Variants in SVOP observed in about 807,000 individuals in gnomAD.
The protein encoded by SVOP is SV2 related protein.
Under a neutral mutation model 69.1 loss-of-function variants are expected in SVOP, and 17 were observed. The ratio of observed to expected loss-of-function variants is 0.25; its 90% CI spans 0.17 to 0.37. The LOEUF (loss-of-function observed/expected upper bound fraction) is 0.37. SVOP is among the 10% of genes least tolerant of loss of function. The pLI, the probability that SVOP is intolerant of heterozygous loss-of-function variation, is 1.00. For missense variants in SVOP, 435 were observed against 597.5 expected (o/e 0.73, Z 2.84); for synonymous variants, 238 against 238.6 (o/e 1.00, Z 0.02).
chr12:108,973,800 A>T (rs891827484), intron 4 of SVOP, among the ~76,000 whole-genome samples: 1 of 151,700 alleles, frequency 6.6e-6, no homozygotes, highest in African/African-American at 2.4e-5. Flanking sequence ...TTCCTGCCTG[A>T]CTCCCTCTTT....
At chr12:108,998,836 G>A (rs892654439) in intron 1 of SVOP, among the ~76,000 whole-genome samples, 18 of 151,442 alleles carry the variant, frequency 1.2e-4, no homozygotes, top group African/African-American at 2.7e-4. Flanking sequence ...AGGAACAACC[G>A]GTACCAGCCG....
chr12:108,940,857 A>G lies in SVOP; in HGVS notation c.695T>C (p.Met232Thr), dbSNP rs1326690844. 6.5e-7 allele frequency: 1 copy of G among 1,537,182 alleles called. No individual in the cohort carries two copies. The highest frequency in any genetic ancestry group is 8.7e-7 in the Non-Finnish European group (1 of 1,146,864). ...CAGCCAACGCCAGCCCAGGCTGGGC[A>G]TCACGAACACAGCCAGGACGACCTC... ...VFEVVLAVFV[M>T]PSLGWRWLLI... The change falls in exon 8 of 16, where the codon ATG (methionine) becomes ACG (threonine). Residue 232 changes from methionine (M) to threonine (T), a missense_variant. Met to Thr is a moderately conservative substitution (Grantham distance 81, BLOSUM62 -1). Coordinates refer to ENST00000610966, the MANE Select transcript of SVOP (RefSeq NM_018711.5).
In SVOP at chr12:108,912,406, C is replaced by T. The variant is rs2039689743; in HGVS notation, c.*129G>A. 14 of 1,524,744 alleles carry T rather than the reference C, an allele frequency of 9.2e-6. No homozygotes were observed. The highest frequency in any genetic ancestry group is 1.1e-5 in the Non-Finnish European group (13 of 1,139,492). 94.5% of individuals were successfully genotyped at this position (1,524,744 alleles called of 1,614,324 possible). A position where few individuals can be genotyped will look rare whatever the true frequency, so the allele number is the denominator to read the frequency against. On this transcript the variant is annotated 3_prime_UTR_variant, in exon 16 of 16. Coordinates refer to ENST00000610966, the MANE Select transcript of SVOP (RefSeq NM_018711.5). ...GAGCAAACTGAGTCAAGACACAAAA[C>T]CCTGTTGGTCCAGGTCATACTCTTG...
Position 108,912,588 on chromosome 12 carries a change from G to C in SVOP, c.1594C>G (p.Arg532Gly), listed in dbSNP as rs751699856. The change falls in exon 16 of 16, where the codon CGA becomes GGA. Residue 532 changes from arginine to glycine, a missense_variant. Coordinates refer to ENST00000610966, the MANE Select transcript of SVOP (RefSeq NM_018711.5). ...HREWGQEMVG[R>G]GMHGAGVTRS... The stretch of plus-strand genomic sequence containing the variant: ...GTAACACCTGCACCGTGCATTCCTC[G>C]GCCGACCATCTCCTGGCCCCACTCC... 7 of 1,613,780 alleles carry C rather than the reference G, an allele frequency of 4.3e-6. No homozygotes were observed. In the South Asian group the frequency reaches 7.7e-5, roughly 18 times the overall value.
At chr12:109,011,621 G>C (rs965631107) in intron 1 of SVOP, among the ~76,000 whole-genome samples, 1 of 152,174 alleles carries the variant, frequency 6.6e-6, no homozygotes, top group African/African-American at 2.4e-5. Flanking sequence ...GGCTCAAAGA[G>C]TTTACCTGGG....
chr12:108,994,418 C>A (rs999091943), intron 1 of SVOP, among the ~76,000 whole-genome samples: 3 of 152,010 alleles, frequency 2.0e-5, no homozygotes, highest in African/African-American at 7.3e-5. Flanking sequence ...CGCTTGAACC[C>A]GGGAGGCAGA....
Position 109,020,996 on chromosome 12 carries a change from T to G in SVOP, c.-128A>C. ...GCCGCTTCCTCCCTGGAGCAGCAGC[T>G]GTTCGGGGAGGGAGCCGCTGGGGAC... On this transcript the variant is annotated 5_prime_UTR_variant, in exon 1 of 16. Coordinates refer to ENST00000610966, the MANE Select transcript of SVOP (RefSeq NM_018711.5). 1 of 601,062 alleles carries G rather than the reference T, an allele frequency of 1.7e-6. No homozygotes were observed. The highest frequency in any genetic ancestry group is 3.0e-6 in the Non-Finnish European group (1 of 327,884). The allele number at this position is 601,062 out of a possible 1,614,324, so 37.2% of individuals were successfully genotyped here. A position where few individuals can be genotyped will look rare whatever the true frequency, so the allele number is the denominator to read the frequency against.
intron 6 of SVOP, among the ~76,000 whole-genome samples, chr12:108,948,846 T>C (rs1395195928): frequency 6.6e-6 from 1 of 152,220 alleles, no homozygotes; most frequent in African/African-American, 2.4e-5. Flanking sequence ...ATTATAGTGG[T>C]TGCTAAAGAT....
At chr12:108,920,859 A>G (rs980674377) in intron 12 of SVOP, among the ~76,000 whole-genome samples, 3 of 152,112 alleles carry the variant, frequency 2.0e-5, no homozygotes, top group African/African-American at 7.2e-5. Flanking sequence ...GGCCTCCCAA[A>G]GCACCAGGAT....
intron 1 of SVOP, among the ~76,000 whole-genome samples, chr12:109,007,279 C>G (rs956903426): frequency 6.6e-6 from 1 of 152,194 alleles, no homozygotes; most frequent in Non-Finnish European, 1.5e-5. Context: ...GCACTTGAAG[C>G]AGCAGAGACT....
At chr12:108,955,096 A>C (rs1036585451) in intron 6 of SVOP, among the ~76,000 whole-genome samples, 2 of 152,238 alleles carry the variant, frequency 1.3e-5, no homozygotes, top group African/African-American at 4.8e-5. Flanking sequence ...AGAAATAGAA[A>C]ATGTCACTTC....
At chr12:108,926,082 C>A (rs1414745644) in intron 11 of SVOP, among the ~76,000 whole-genome samples, 1 of 152,022 alleles carries the variant, frequency 6.6e-6, no homozygotes, top group Non-Finnish European at 1.5e-5. Flanking sequence ...CCAGGCCCAG[C>A]TAATTATTTT....
Position 109,000,024 on chromosome 12 carries a change from G to A in SVOP, c.36-16263C>T, listed in dbSNP as rs2040259052. Reference sequence around the variant, plus strand: ...CTTCAAAAAATTAATGAATCCAGGAGCTGGTTTTTTGAAAGGATCAACAAA... The same window carrying A: ...CTTCAAAAAATTAATGAATCCAGGAACTGGTTTTTTGAAAGGATCAACAAA... On this transcript the variant is annotated intron_variant, in intron 1 of 15. Coordinates refer to ENST00000610966, the MANE Select transcript of SVOP (RefSeq NM_018711.5). Among the ~76,000 whole-genome samples, 5 of 151,656 alleles carry A rather than the reference G, an allele frequency of 3.3e-5. No individual in the cohort carries two copies. In the South Asian group the frequency reaches 1.0e-3, roughly 32 times the overall value.
intron 1 of SVOP, among the ~76,000 whole-genome samples, chr12:109,009,651 G>A (rs2040330126): frequency 6.6e-6 from 1 of 152,176 alleles, no homozygotes; most frequent in Non-Finnish European, 1.5e-5. Context: ...CTAACCTCAA[G>A]TGATCCACCT....
At chr12:108,916,428 G>A (rs1199821056) in intron 14 of SVOP, among the ~76,000 whole-genome samples, 1 of 152,164 alleles carries the variant, frequency 6.6e-6, no homozygotes, top group East Asian at 1.9e-4. Flanking sequence ...AAGCCAGAGG[G>A]CTTCTCAGCC....
At chr12:108,941,723 G>A (rs1023514779) in intron 7 of SVOP, among the ~76,000 whole-genome samples, 2 of 151,580 alleles carry the variant, frequency 1.3e-5, no homozygotes, top group Non-Finnish European at 1.5e-5. Flanking sequence ...GTATAGTGGC[G>A]CAATCTTGGC....
chr12:108,920,806 A>G (rs1447900777), intron 12 of SVOP, among the ~76,000 whole-genome samples: 1 of 152,054 alleles, frequency 6.6e-6, no homozygotes, highest in Non-Finnish European at 1.5e-5. Flanking sequence ...TCATTTGGCC[A>G]GGCTGCTCTC....
At chr12:108,954,150 T>C (rs1217051608) in intron 6 of SVOP, among the ~76,000 whole-genome samples, 1 of 141,654 alleles carries the variant, frequency 7.1e-6, no homozygotes, top group Non-Finnish European at 1.5e-5. Flanking sequence ...TTTAGTGGAG[T>C]AGTTCAGATA....
intron 7 of SVOP, among the ~76,000 whole-genome samples, chr12:108,944,867 G>A (rs980029962): frequency 7.9e-5 from 12 of 152,084 alleles, no homozygotes; most frequent in African/African-American, 2.7e-4. Flanking sequence ...TACCCTTGCC[G>A]ACACTTCTTT....
Sources: allele counts gnomAD v4.1 joint callset (sites outside exome capture counted in the v4.1 genomes callset), GRCh38; gene constraint gnomAD v4.1.1; transcripts MANE v1.5; gene names NCBI Gene and HGNC (gene_info 2026-07-23, HGNC 2026-07-21).